The following KLRD1 variants were observed in gnomAD, a reference collection of about 807,000 sequenced individuals.
KLRD1 encodes the protein natural killer cells antigen CD94.
Under a neutral mutation model 22.6 loss-of-function variants are expected in KLRD1, and 21 were observed. The ratio of observed to expected loss-of-function variants is 0.93; its 90% CI spans 0.66 to 1.34. The LOEUF is 1.34. KLRD1 is among the 40% of genes most tolerant of loss of function. KLRD1 has a pLI of 0.00. For synonymous variants in KLRD1, 59 were observed against 71.1 expected (o/e 0.83, Z 0.85); for missense variants, 183 against 208.6 (o/e 0.88, Z 0.76).
rs1200332124 is a variant in KLRD1 at position 10,274,998 on chromosome 12, C to T, written c.-100-32980C>T. Among the ~76,000 whole-genome samples, 5 of 152,068 alleles carry T rather than the reference C, an allele frequency of 3.3e-5. No homozygotes were observed. The East Asian group carries it at 9.6e-4, about 29-fold the overall frequency. ...CTCCACCTCCCAGGTTCAAGCGATTCTCTGCCTCAGCCTCCTGAGTAGCTG... is the reference window on the plus strand; with the variant it reads ...CTCCACCTCCCAGGTTCAAGCGATTTTCTGCCTCAGCCTCCTGAGTAGCTG... On this transcript the variant is annotated intron_variant, in intron 1 of 5. Transcript: ENST00000544747.
In KLRD1 at chr12:10,260,113, GTATAACTAAATGCTCATATCA is replaced by G. The variant is rs1372452816; in HGVS notation, c.-101+33882_-101+33902del. ...CTAGATGCTCATATCATTCCCATCT[GTATAACTAAATGCTCATATCA>G]TTCCCATCTGTATAACTAAATGCTC... On this transcript the variant is annotated intron_variant, in intron 1 of 5. Coordinates refer to the KLRD1 transcript ENST00000544747. 1.8e-4 allele frequency among the ~76,000 whole-genome samples: 3 copies of G among 17,128 alleles called. No individual in the cohort carries two copies. The Non-Finnish European group carries it at 8.2e-3, about 47-fold the overall frequency. The allele number at this position is 17,128 out of a possible 152,430, so 11.2% of individuals were successfully genotyped here.
At chr12:10,267,773 T>G (rs927109895) in intron 1 of KLRD1, among the ~76,000 whole-genome samples, 6 of 152,220 alleles carry the variant, frequency 3.9e-5, no homozygotes, top group African/African-American at 1.4e-4. Context: ...AAATCCTGAT[T>G]TATGCCTGTT....
At chr12:10,259,373 T>A (rs955974388) in intron 1 of KLRD1, among the ~76,000 whole-genome samples, 55 of 152,234 alleles carry the variant, frequency 3.6e-4, no homozygotes, top group Non-Finnish European at 1.0e-4. Flanking sequence ...CTGAAAGTCA[T>A]AATATTCATC....
chr12:10,267,312 C>T (rs1159376944), intron 1 of KLRD1, among the ~76,000 whole-genome samples: 1 of 152,000 alleles, frequency 6.6e-6, no homozygotes, highest in Non-Finnish European at 1.5e-5. Context: ...AATATATATT[C>T]AATTTATAAT....
chr12:10,242,614 A>G (rs1949251933), intron 1 of KLRD1, among the ~76,000 whole-genome samples: 1 of 152,190 alleles, frequency 6.6e-6, no homozygotes, highest in African/African-American at 2.4e-5. Context: ...AGGAGCTTTC[A>G]TACTGTCTTC....
Position 10,311,484 on chromosome 12 carries a change from C to G in KLRD1, c.184C>G (p.Gln62Glu). Residue 62 changes from glutamine (Q) to glutamate (E), a missense_variant, in exon 4 of 6, where the codon CAA becomes GAA. Gln to Glu is a conservative substitution (Grantham distance 29). Coordinates refer to ENST00000336164, the MANE Select transcript of KLRD1 (RefSeq NM_002262.5). ...LQKDSDCCSC[Q>E]EKWVGYRCNC... is the part of the protein sequence containing the mutation. ...GTCAGACTCTGACTGCTGTTCTTGC[C>G]AAGAAAAATGGGTTGGGTACCGGTG... 6.2e-7 allele frequency: 1 copy of G among 1,613,714 alleles called. No individual in the cohort carries two copies. Among genetic ancestry groups the G allele is most frequent in the Non-Finnish European group, 8.5e-7 (1 of 1,179,722 alleles).
At chr12:10,241,475 A>G (rs571403036) in intron 1 of KLRD1, among the ~76,000 whole-genome samples, 1 of 152,330 alleles carries the variant, frequency 6.6e-6, no homozygotes, top group Non-Finnish European at 1.5e-5. Context: ...TTAATGTGCT[A>G]CATTTGCTTT....
chr12:10,309,511 A>G (rs771233568), intron 2 of KLRD1, 31 bp downstream of exon 2: 2 of 1,341,028 alleles, frequency 1.5e-6, no homozygotes, highest in Admixed American at 3.4e-5. Flanking sequence ...CTCCATAAAA[A>G]TCAAAACTGT....
intron 1 of KLRD1, among the ~76,000 whole-genome samples, chr12:10,269,093 C>T (rs1949526226): frequency 1.3e-5 from 2 of 151,888 alleles, no homozygotes; most frequent in Admixed American, 6.6e-5. Flanking sequence ...TTGGTAGATA[C>T]TGAACAGCTT....
chr12:10,273,343 A>C (rs573025563), intron 1 of KLRD1, among the ~76,000 whole-genome samples: 1 of 152,228 alleles, frequency 6.6e-6, no homozygotes, highest in Non-Finnish European at 1.5e-5. Flanking sequence ...GTGTGTTTGT[A>C]ATAGAATAAG....
intron 1 of KLRD1, among the ~76,000 whole-genome samples, chr12:10,252,795 G>A (rs1949357025): frequency 6.6e-6 from 1 of 152,074 alleles, no homozygotes; most frequent in African/African-American, 2.4e-5. Context: ...GAAGAATGGT[G>A]GGGGTGGTAG....
chr12:10,322,734 A>G lies in KLRD1; in HGVS notation c.*7941A>G, dbSNP rs1281928251. Reference sequence around the variant, plus strand: ...GAATACCTATCTTAAATTTACTCGTAAACATTTAAGCTATGTCTACACTTA... The same window carrying G: ...GAATACCTATCTTAAATTTACTCGTGAACATTTAAGCTATGTCTACACTTA... On this transcript the variant is annotated 3_prime_UTR_variant, in exon 6 of 6. Coordinates refer to ENST00000336164, the MANE Select transcript of KLRD1 (RefSeq NM_002262.5). 2.6e-5 allele frequency: 4 copies of G among 152,212 alleles called. No individual in the cohort carries two copies. Among genetic ancestry groups the G allele is most frequent in the African/African-American group, 9.6e-5 (4 of 41,460 alleles). 9.4% of individuals were successfully genotyped at this position (152,212 alleles called of 1,614,324 possible). A position where few individuals can be genotyped will look rare whatever the true frequency, so the allele number is the denominator to read the frequency against.
At chr12:10,308,871 G>T (rs1006112399) in intron 1 of KLRD1, 1 of 154,424 alleles carries the variant, frequency 6.5e-6, no homozygotes, top group Admixed American at 6.4e-5. Flanking sequence ...TACGTTGAAT[G>T]AAAGATTCTT....
chr12:10,313,619 T>G, intron 5 of KLRD1, 106 bp downstream of exon 5: 1 of 586,062 alleles, frequency 1.7e-6, no homozygotes, highest in Non-Finnish European at 3.0e-6. Flanking sequence ...TAACCTTGTC[T>G]AGGGCATGAG....
At chr12:10,255,078 A>G (rs1177625650) in intron 1 of KLRD1, among the ~76,000 whole-genome samples, 1 of 132,484 alleles carries the variant, frequency 7.5e-6, no homozygotes, top group Non-Finnish European at 1.7e-5. Flanking sequence ...CCTATTATTA[A>G]AAAGTCAAAA....
intron 1 of KLRD1, among the ~76,000 whole-genome samples, chr12:10,285,036 A>G (rs1023770621): frequency 2.0e-5 from 3 of 152,188 alleles, no homozygotes; most frequent in Non-Finnish European, 4.4e-5. Flanking sequence ...GTTTCCACTT[A>G]AAAGTTTTTA....
intron 1 of KLRD1, among the ~76,000 whole-genome samples, chr12:10,243,898 A>C (rs1253579988): frequency 2.0e-5 from 3 of 152,172 alleles, no homozygotes; most frequent in Non-Finnish European, 4.4e-5. Flanking sequence ...AAATATAACT[A>C]ATAAATAAAT....
At chr12:10,291,432 G>A (rs1278128389) in intron 1 of KLRD1, among the ~76,000 whole-genome samples, 1 of 152,074 alleles carries the variant, frequency 6.6e-6, no homozygotes, top group African/African-American at 2.4e-5. Flanking sequence ...TTCAGACCCT[G>A]CCACTGCTTT....
At chr12:10,294,586 G>T (rs1949805414) in intron 1 of KLRD1, among the ~76,000 whole-genome samples, 1 of 147,290 alleles carries the variant, frequency 6.8e-6, no homozygotes, top group Admixed American at 7.1e-5. Context: ...TTTTAGTAGA[G>T]ACAGGGTTTC....
Sources: allele counts gnomAD v4.1 joint callset (sites outside exome capture counted in the v4.1 genomes callset), GRCh38; gene constraint gnomAD v4.1.1; transcripts MANE v1.5; gene names NCBI Gene and HGNC (gene_info 2026-07-23, HGNC 2026-07-21).